The following GRM5 variants were observed in gnomAD, a reference collection of about 807,000 sequenced individuals.
GRM5 encodes the protein glutamate metabotropic receptor 5.
A neutral mutation model predicts 83.1 loss-of-function variants in GRM5; 19 were observed. That is an observed-to-expected ratio of 0.23 (90% CI 0.16 to 0.34). The LOEUF is 0.34. GRM5 is among the 10% of genes least tolerant of loss of function. The pLI is 1.00. For synonymous variants in GRM5, 675 were observed against 633.6 expected (o/e 1.07, Z -0.98); for missense variants, 1,160 against 1,588.3 (o/e 0.73, Z 4.58).
chr11:88,916,900 C>T (rs1945604471), intron 2 of GRM5, among the ~76,000 whole-genome samples: 1 of 152,146 alleles, frequency 6.6e-6, no homozygotes. Context: ...TCACCCTGGG[C>T]CAGAAGGGAA....
chr11:88,703,458 G>T (rs1201682955), intron 3 of GRM5, among the ~76,000 whole-genome samples: 1 of 152,048 alleles, frequency 6.6e-6, no homozygotes, highest in Non-Finnish European at 1.5e-5. Context: ...GGGACTATGG[G>T]TCAAACCAAA....
At chr11:88,847,387 T>C (rs1393278471) in intron 3 of GRM5, among the ~76,000 whole-genome samples, 2 of 152,198 alleles carry the variant, frequency 1.3e-5, no homozygotes, top group Non-Finnish European at 2.9e-5. Context: ...AAACAATACA[T>C]GTAAAGTGCT....
intron 2 of GRM5, among the ~76,000 whole-genome samples, chr11:88,890,748 T>C (rs1009290210): frequency 3.3e-5 from 5 of 152,096 alleles, no homozygotes; most frequent in Non-Finnish European, 7.4e-5. Flanking sequence ...TCAGATCTTA[T>C]ATGCATTTCT....
chr11:88,974,597 A>T (rs867442070), intron 2 of GRM5, among the ~76,000 whole-genome samples: 1 of 152,148 alleles, frequency 6.6e-6, no homozygotes, highest in Non-Finnish European at 1.5e-5. Flanking sequence ...ATAGTCCCCA[A>T]TATAGAATCA....
chr11:88,665,543 G>C (rs999124540), intron 3 of GRM5, among the ~76,000 whole-genome samples: 1 of 152,096 alleles, frequency 6.6e-6, no homozygotes, highest in African/African-American at 2.4e-5. Context: ...TATAGAGGAA[G>C]AGTAAATAAT....
intron 3 of GRM5, among the ~76,000 whole-genome samples, chr11:88,784,353 T>A (rs899116654): frequency 6.6e-6 from 1 of 152,128 alleles, no homozygotes; most frequent in African/African-American, 2.4e-5. Flanking sequence ...TCTCCACTTA[T>A]GTGCCCACCA....
At chr11:88,570,572 T>TATATATATATATATATATATATA (rs1491417366) in intron 7 of GRM5, among the ~76,000 whole-genome samples, 3 of 42,388 alleles carry the variant, frequency 7.1e-5, no homozygotes, top group African/African-American at 1.9e-4. Flanking sequence ...TATATATATA[T>TATATATATATATATATATATATA]TTTTTTTTTT....
intron 3 of GRM5, among the ~76,000 whole-genome samples, chr11:88,833,081 AACAC>A (rs1309969302): frequency 3.9e-5 from 6 of 152,280 alleles, no homozygotes; most frequent in African/African-American, 1.4e-4. Flanking sequence ...AGACCTAAAA[AACAC>A]AGACAACAAA....
intron 7 of GRM5, among the ~76,000 whole-genome samples, chr11:88,586,093 T>G (rs1217803686): frequency 6.8e-6 from 1 of 146,244 alleles, no homozygotes; most frequent in Non-Finnish European, 1.5e-5. Context: ...CATTCAATCC[T>G]CTGCATACAT....
chr11:89,042,718 G>A (rs1158270901), intron 2 of GRM5, among the ~76,000 whole-genome samples: 4 of 152,176 alleles, frequency 2.6e-5, no homozygotes, highest in African/African-American at 9.7e-5. Context: ...TGGGAAAAGT[G>A]TACTCCCAGT....
At chr11:88,962,288 C>T (rs1285055821) in intron 2 of GRM5, among the ~76,000 whole-genome samples, 5 of 152,100 alleles carry the variant, frequency 3.3e-5, no homozygotes. Flanking sequence ...TCCAAATATC[C>T]ACTCTTCCAT....
intron 3 of GRM5, among the ~76,000 whole-genome samples, chr11:88,710,671 A>G (rs1271259969): frequency 6.6e-6 from 1 of 152,012 alleles, no homozygotes; most frequent in Admixed American, 6.6e-5. Flanking sequence ...TTAACTTGAA[A>G]AATATTGAGA....
intron 2 of GRM5, chr11:88,925,858 G>A (rs1321958078): frequency 9.8e-6 from 4 of 406,544 alleles, no homozygotes; most frequent in Admixed American, 5.3e-5. Context: ...ACAGTGAGCC[G>A]AGATTGTGCC....
At chr11:88,776,359 C>T (rs184169716) in intron 3 of GRM5, among the ~76,000 whole-genome samples, 1 of 152,140 alleles carries the variant, frequency 6.6e-6, no homozygotes, top group Admixed American at 6.5e-5. Flanking sequence ...GGTCTCCTGC[C>T]TACAGCACAC....
intron 2 of GRM5, among the ~76,000 whole-genome samples, chr11:88,895,923 A>T (rs1214804788): frequency 6.6e-6 from 1 of 151,980 alleles, no homozygotes; most frequent in Non-Finnish European, 1.5e-5. Context: ...CTAGTAAAAA[A>T]CATTAGTTTT....
chr11:89,037,046 A>C (rs1041545627), intron 2 of GRM5, among the ~76,000 whole-genome samples: 11 of 151,978 alleles, frequency 7.2e-5, no homozygotes, highest in African/African-American at 2.7e-4. Context: ...ATATATTTAA[A>C]CTTGTGGCTT....
At chr11:88,758,616 A>G (rs1942446167) in intron 3 of GRM5, among the ~76,000 whole-genome samples, 1 of 152,210 alleles carries the variant, frequency 6.6e-6, no homozygotes, top group Non-Finnish European at 1.5e-5. Flanking sequence ...TCTAAGATTC[A>G]TTGGTGTTCT....
chr11:89,040,303 CT>C (rs1941499816), intron 2 of GRM5, among the ~76,000 whole-genome samples: 1 of 152,006 alleles, frequency 6.6e-6, no homozygotes, highest in South Asian at 2.1e-4. Flanking sequence ...TATCTATTCA[CT>C]ATCAAATTAA....
intron 2 of GRM5, among the ~76,000 whole-genome samples, chr11:88,893,775 C>T (rs544273703): frequency 1.3e-5 from 2 of 152,040 alleles, no homozygotes; most frequent in South Asian, 2.1e-4. Context: ...AGCTGCTGTT[C>T]CCCACATGAC....
Sources: gnomAD v4.1 joint callset for allele counts (sites outside exome capture counted in the v4.1 genomes callset) on GRCh38, gnomAD v4.1.1 for gene constraint, MANE v1.5 for transcripts, NCBI Gene and HGNC (gene_info 2026-07-23, HGNC 2026-07-21) for gene names.